Variants in RASGEF1C observed in about 807,000 individuals in gnomAD.
RASGEF1C encodes ras-GEF domain-containing family member 1C.
In RASGEF1C, 27 loss-of-function variants were observed where a neutral mutation model predicts 58.1. The ratio of observed to expected loss-of-function variants is 0.46; its 90% CI spans 0.34 to 0.64. RASGEF1C has a LOEUF of 0.64. Among genes scored for constraint, RASGEF1C ranks in the 30% least tolerant of loss-of-function variants. The pLI, the probability that RASGEF1C is intolerant of heterozygous loss-of-function variation, is 0.01. For synonymous variants in RASGEF1C, 243 were observed against 246.3 expected (o/e 0.99, Z 0.13); for missense variants, 502 against 605.1 (o/e 0.83, Z 1.79).
At chr5:180,174,129 G>C (rs1767170343) in intron 1 of RASGEF1C, among the ~76,000 whole-genome samples, 2 of 151,940 alleles carry the variant, frequency 1.3e-5, no homozygotes, top group South Asian at 4.2e-4. Context: ...CGTGGTGTGG[G>C]CTTGATGAAT....
chr5:180,114,498 AAGT>A lies in RASGEF1C; in HGVS notation c.1124_1126del (p.Tyr375del). On this transcript the variant is annotated inframe_deletion, in exon 11 of 14. Coordinates refer to ENST00000361132, the MANE Select transcript of RASGEF1C (RefSeq NM_175062.4). ...GCGGTTGGCGCAGCCCTCATTCAGG[AAGT>A]AGATGTCTTTGATGAGCAGGCTGAA... 6.2e-7 allele frequency: 1 copy of A among 1,612,902 alleles called. No individual in the cohort carries two copies. The highest frequency in any genetic ancestry group is 8.5e-7 in the Non-Finnish European group (1 of 1,179,194).
At chr5:180,196,042 C>T (rs1002256967) in intron 1 of RASGEF1C, among the ~76,000 whole-genome samples, 1 of 152,228 alleles carries the variant, frequency 6.6e-6, no homozygotes, top group Non-Finnish European at 1.5e-5. Flanking sequence ...GGACCTATCA[C>T]TTTGCATACT....
At chr5:180,173,915 C>CAAA (rs1385534757) in intron 1 of RASGEF1C, among the ~76,000 whole-genome samples, 2 of 138,728 alleles carry the variant, frequency 1.4e-5, no homozygotes, top group African/African-American at 5.4e-5. Flanking sequence ...TGTCTCAAAA[C>CAAA]AACCACCAAA....
At chr5:180,121,674 CA>C (rs1766178512) in intron 6 of RASGEF1C, among the ~76,000 whole-genome samples, 44 of 52,432 alleles carry the variant, frequency 8.4e-4, no homozygotes, top group African/African-American at 2.2e-3. Context: ...CACACACACA[CA>C]CACACACCCT....
chr5:180,208,122 G>C (rs978110136), intron 1 of RASGEF1C, among the ~76,000 whole-genome samples: 1 of 152,066 alleles, frequency 6.6e-6, no homozygotes, highest in Non-Finnish European at 1.5e-5. Flanking sequence ...ATGGCTGTTG[G>C]AGCCAGTCTT....
chr5:180,121,264 C>G (rs1260429701), intron 6 of RASGEF1C, 115 bp from the exon 7 acceptor site: 1 of 707,658 alleles, frequency 1.4e-6, no homozygotes. Flanking sequence ...ACCCCCAAAC[C>G]ATCCAGAAAT....
At chr5:180,188,563 T>A (rs1756081750) in intron 1 of RASGEF1C, among the ~76,000 whole-genome samples, 1 of 152,196 alleles carries the variant, frequency 6.6e-6, no homozygotes, top group African/African-American at 2.4e-5. Flanking sequence ...CCCAACTGGA[T>A]AAAAGGCATC....
At chr5:180,204,722 C>A (rs10043453) in intron 1 of RASGEF1C, among the ~76,000 whole-genome samples, 52,187 of 151,874 alleles carry the variant, frequency 0.34, 9,325 homozygotes, top group East Asian at 0.56. Flanking sequence ...GTATTAGAGG[C>A]CTTTTTACTA....
intron 4 of RASGEF1C, 36 bp downstream of exon 4, chr5:180,136,342 G>A (rs1051296903): frequency 6.5e-7 from 1 of 1,539,666 alleles, no homozygotes; most frequent in Admixed American, 2.0e-5. Context: ...GGACGGGAGG[G>A]ACCCAGGGTG....
rs1766968090 is a variant in RASGEF1C at position 180,163,097 on chromosome 5, A to G, written c.-6-25039T>C. ...ACTTTGTATCCTGGCGTCTGTAGAAACCTATGCATTAATTCTAGGTTTTCT... is the reference window on the plus strand; with the variant it reads ...ACTTTGTATCCTGGCGTCTGTAGAAGCCTATGCATTAATTCTAGGTTTTCT... On this transcript the variant is annotated intron_variant, in intron 1 of 13. Coordinates refer to ENST00000361132, the MANE Select transcript of RASGEF1C (RefSeq NM_175062.4). Among the ~76,000 whole-genome samples, 2 of 151,882 alleles carry G rather than the reference A, an allele frequency of 1.3e-5. 1 individual carries two copies. Among genetic ancestry groups the G allele is most frequent in the South Asian group, 4.2e-4 (2 of 4,798 alleles).
chr5:180,110,620 C>G (rs571712945), intron 12 of RASGEF1C, among the ~76,000 whole-genome samples: 77 of 152,226 alleles, frequency 5.1e-4, no homozygotes, highest in African/African-American at 1.9e-3. Context: ...GACCTGCCCC[C>G]TTAGCACGCT....
chr5:180,102,180 T>C, intron 12 of RASGEF1C, 37 bp from the exon 13 acceptor site: 1 of 1,255,782 alleles, frequency 8.0e-7, no homozygotes, highest in Non-Finnish European at 1.2e-6. Flanking sequence ...ACAATTATGG[T>C]TGATGATAAT....
In RASGEF1C at chr5:180,168,618, G is replaced by A. The variant is rs1404026494; in HGVS notation, c.-6-30560C>T. 6.6e-6 allele frequency among the ~76,000 whole-genome samples: 1 copy of A among 152,098 alleles called. No individual in the cohort carries two copies. Among genetic ancestry groups the A allele is most frequent in the Non-Finnish European group, 1.5e-5 (1 of 68,008 alleles). ...GGCTATGCCTGATTCCAGGGCCAAG[G>A]TGTGGGGGTCAGAGAGTGAAAGAGA... On this transcript the variant is annotated intron_variant, in intron 1 of 13. Transcript: ENST00000361132. The surrounding 1 kb of genome is among the most constrained non-coding windows in gnomAD (Gnocchi z 6.0).
intron 7 of RASGEF1C, 65 bp from the exon 8 acceptor site, chr5:180,119,513 C>T: frequency 8.0e-7 from 1 of 1,249,530 alleles, no homozygotes. Context: ...CAGGCCCGCT[C>T]CCCTCACCTG....
In RASGEF1C at chr5:180,198,199, T is replaced by C. The variant is rs1756314604; in HGVS notation, c.-7+10829A>G. 6.6e-6 allele frequency among the ~76,000 whole-genome samples: 1 copy of C among 152,200 alleles called. No homozygotes were observed. The highest frequency in any genetic ancestry group is 1.5e-5 in the Non-Finnish European group (1 of 68,030). ...CAGGCAGGACAAAAGCGCACCCTTC[T>C]GCAGGCCCCAGCCCCAGACAGCGCC... On this transcript the variant is annotated intron_variant, in intron 1 of 13. Transcript: ENST00000361132. This position sits in a 1 kb window ranked among gnomAD's most constrained non-coding sequence, Gnocchi z 4.5.
rs1766840930 is a variant in RASGEF1C at position 180,155,886 on chromosome 5, G to A, written c.-6-17828C>T. On this transcript the variant is annotated intron_variant, in intron 1 of 13. Transcript: ENST00000361132. The surrounding 1 kb of genome is among the most constrained non-coding windows in gnomAD (Gnocchi z 5.2). The stretch of plus-strand genomic sequence containing the variant: ...TGAAGCCTGAGTCAGGGTGGGAACC[G>A]GAGTCCTGGCCAAGAGGGCACTGTC... 6.6e-6 allele frequency among the ~76,000 whole-genome samples: 1 copy of A among 152,066 alleles called. No individual in the cohort carries two copies. Among genetic ancestry groups the A allele is most frequent in the Non-Finnish European group, 1.5e-5 (1 of 68,008 alleles).
intron 12 of RASGEF1C, among the ~76,000 whole-genome samples, chr5:180,108,958 T>C (rs1295027139): frequency 1.3e-5 from 2 of 152,212 alleles, no homozygotes; most frequent in East Asian, 1.9e-4. Context: ...GCCACAGTTT[T>C]GTCTGTGTTA....
At chr5:180,201,922 T>C (rs1320184598) in intron 1 of RASGEF1C, among the ~76,000 whole-genome samples, 2 of 152,216 alleles carry the variant, frequency 1.3e-5, no homozygotes, top group African/African-American at 4.8e-5. Flanking sequence ...TCCAGAACTG[T>C]GAGAAATCGT....
In RASGEF1C at chr5:180,137,579, C is replaced by G. The variant is rs764961592; in HGVS notation, c.300+11G>C. On this transcript the variant is annotated intron_variant, in intron 3 of 13. Coordinates refer to ENST00000361132, the MANE Select transcript of RASGEF1C (RefSeq NM_175062.4). The surrounding 1 kb of genome is among the most constrained non-coding windows in gnomAD (Gnocchi z 4.1). ...ACACTCTGAGACCCCCTGGCCTGCC[C>G]TCCGCCTCACCTTGTCCAGCACCGG... 1.2e-6 allele frequency: 2 copies of G among 1,608,170 alleles called. No individual in the cohort carries two copies. The highest frequency in any genetic ancestry group is 2.7e-5 in the African/African-American group (2 of 74,800).
Sources: allele counts gnomAD v4.1 joint callset (sites outside exome capture counted in the v4.1 genomes callset), GRCh38; gene constraint gnomAD v4.1.1; non-coding constraint Gnocchi (gnomAD v3.1); transcripts MANE v1.5; gene names NCBI Gene and HGNC (gene_info 2026-07-23, HGNC 2026-07-21).